Variants in PLA2G4A observed in about 807,000 individuals in gnomAD.
PLA2G4A encodes the protein phospholipase A2 group IVA, also known as cytosolic phospholipase A2.
PLA2G4A carries 40 observed loss-of-function variants against 81.9 expected under a neutral mutation model. The ratio of observed to expected loss-of-function variants is 0.49; its 90% CI spans 0.38 to 0.64. The LOEUF is 0.64. Ranked by LOEUF, PLA2G4A falls within the 30% of genes least tolerant of loss-of-function variation. The pLI, the probability that PLA2G4A is intolerant of heterozygous loss-of-function variation, is 0.00. For missense variants in PLA2G4A, 715 were observed against 905.1 expected, an observed-to-expected ratio of 0.79 and a Z score of 2.69; for synonymous variants, 302 against 296.9, an observed-to-expected ratio of 1.02 and a Z score of -0.18.
chr1:186,879,409 A>G (rs541521536), intron 3 of PLA2G4A, among the ~76,000 whole-genome samples: 185 of 152,156 alleles, frequency 1.2e-3, no homozygotes, highest in African/African-American at 4.2e-3. Context: ...TAGTACCTTG[A>G]AAATTACAAG....
chr1:186,869,409 C>T (rs143715753), intron 2 of PLA2G4A, among the ~76,000 whole-genome samples: 314 of 152,226 alleles, frequency 2.1e-3, no homozygotes, highest in African/African-American at 7.2e-3. Context: ...TTATTCATGT[C>T]TTCACCTCTT....
intron 17 of PLA2G4A, among the ~76,000 whole-genome samples, chr1:186,981,257 C>G (rs886081646): frequency 2.0e-5 from 3 of 152,108 alleles, no homozygotes; most frequent in Admixed American, 1.3e-4. Context: ...ATACAAATAC[C>G]ATGTTGGACT....
intron 8 of PLA2G4A, among the ~76,000 whole-genome samples, chr1:186,933,833 T>C (rs1212312441): frequency 6.6e-6 from 1 of 152,212 alleles, no homozygotes; most frequent in Non-Finnish European, 1.5e-5. Context: ...AGAGCTAGCA[T>C]ATAAACTCAG....
chr1:186,836,692 T>A (rs949751306), intron 1 of PLA2G4A, among the ~76,000 whole-genome samples: 1 of 152,222 alleles, frequency 6.6e-6, no homozygotes. Flanking sequence ...TATGCATTTA[T>A]TCCTTCGCTA....
intron 8 of PLA2G4A, among the ~76,000 whole-genome samples, chr1:186,936,444 A>G (rs1378499700): frequency 1.3e-5 from 2 of 151,964 alleles, no homozygotes; most frequent in Non-Finnish European, 2.9e-5. Flanking sequence ...TAATCACTGA[A>G]TGAAGAGATG....
intron 3 of PLA2G4A, among the ~76,000 whole-genome samples, chr1:186,888,714 T>G (rs1384814902): frequency 6.6e-6 from 1 of 152,298 alleles, no homozygotes; most frequent in Non-Finnish European, 1.5e-5. Flanking sequence ...GCCTGGCATA[T>G]AGTAGGCACT....
intron 1 of PLA2G4A, among the ~76,000 whole-genome samples, chr1:186,840,441 A>G (rs984005074): frequency 4.6e-5 from 7 of 152,166 alleles, no homozygotes; most frequent in Non-Finnish European, 7.3e-5. Flanking sequence ...AATTCCTATT[A>G]CATGTTACCC....
intron 7 of PLA2G4A, among the ~76,000 whole-genome samples, chr1:186,925,025 G>A (rs530464537): frequency 6.6e-6 from 1 of 152,176 alleles, no homozygotes; most frequent in East Asian, 2.0e-4. Context: ...TCCAGCCTGG[G>A]TGACAAAGTG....
At chr1:186,898,417 G>A (rs1474590) in intron 5 of PLA2G4A, among the ~76,000 whole-genome samples, 3 of 151,980 alleles carry the variant, frequency 2.0e-5, no homozygotes, top group African/African-American at 4.8e-5. Flanking sequence ...CAACTGTTAT[G>A]TTCCAGACAG....
intron 15 of PLA2G4A, among the ~76,000 whole-genome samples, chr1:186,971,758 A>T (rs1657364303): frequency 6.6e-6 from 1 of 152,040 alleles, no homozygotes; most frequent in African/African-American, 2.4e-5. Context: ...ACTAAAGTAG[A>T]ATATTTGTTT....
intron 15 of PLA2G4A, among the ~76,000 whole-genome samples, chr1:186,976,593 C>T (rs1384613866): frequency 6.6e-6 from 1 of 152,094 alleles, no homozygotes; most frequent in African/African-American, 2.4e-5. Flanking sequence ...TGTCCAAGGC[C>T]ATGGAGCTTG....
intron 12 of PLA2G4A, among the ~76,000 whole-genome samples, chr1:186,949,197 A>C (rs544919633): frequency 6.6e-6 from 1 of 151,940 alleles, no homozygotes; most frequent in Admixed American, 6.6e-5. Flanking sequence ...TTCCTTACAA[A>C]TAAGACAGTA....
At chr1:186,958,283 AT>A (rs1232439782) in intron 14 of PLA2G4A, among the ~76,000 whole-genome samples, 2 of 152,298 alleles carry the variant, frequency 1.3e-5, no homozygotes, top group Middle Eastern at 3.4e-3. Context: ...TGAAATTCTA[AT>A]TGTTATAAAG....
intron 5 of PLA2G4A, among the ~76,000 whole-genome samples, chr1:186,894,541 C>A (rs1654267899): frequency 1.3e-5 from 2 of 152,052 alleles, no homozygotes; most frequent in South Asian, 2.1e-4. Flanking sequence ...AAAAGACATG[C>A]AAAATCTGAG....
At chr1:186,934,443 CATATATATATATATAT>C (rs71571011) in intron 8 of PLA2G4A, among the ~76,000 whole-genome samples, 4 of 99,560 alleles carry the variant, frequency 4.0e-5, no homozygotes, top group African/African-American at 4.5e-5. Flanking sequence ...TAAATGTGCA[CATATATATATATATAT>C]ATATACATAC....
chr1:186,835,361 T>C (rs1271377509), intron 1 of PLA2G4A, among the ~76,000 whole-genome samples: 4 of 152,198 alleles, frequency 2.6e-5, no homozygotes, highest in Non-Finnish European at 5.9e-5. Flanking sequence ...AAAAAGGCAA[T>C]TCATTTTGTG....
chr1:186,890,383 G>C (rs2102104711), intron 3 of PLA2G4A, among the ~76,000 whole-genome samples: 1 of 152,208 alleles, frequency 6.6e-6, no homozygotes, highest in South Asian at 2.1e-4. Flanking sequence ...AAAGGATTCG[G>C]TGGAATCCTA....
intron 10 of PLA2G4A, among the ~76,000 whole-genome samples, chr1:186,941,073 A>G (rs1055632441): frequency 6.8e-6 from 1 of 146,420 alleles, no homozygotes; most frequent in African/African-American, 2.6e-5. Flanking sequence ...AGATCATGCC[A>G]CTGCACTCCA....
At chr1:186,880,026 T>C (rs959707148) in intron 3 of PLA2G4A, among the ~76,000 whole-genome samples, 5 of 151,932 alleles carry the variant, frequency 3.3e-5, no homozygotes, top group African/African-American at 9.7e-5. Flanking sequence ...GTAAGAACTT[T>C]GGTTAAAGTT....
Sources: allele counts gnomAD v4.1 joint callset (sites outside exome capture counted in the v4.1 genomes callset), GRCh38; gene constraint gnomAD v4.1.1; transcripts MANE v1.5; gene names NCBI Gene and HGNC (gene_info 2026-07-23, HGNC 2026-07-21).